PDXDC1: variants seen among roughly 807,000 people sequenced by gnomAD.
PDXDC1 encodes pyridoxal-dependent decarboxylase domain-containing protein 1.
Under a neutral mutation model 100.1 loss-of-function variants are expected in PDXDC1, and 42 were observed. That is an observed-to-expected ratio of 0.42 (90% confidence interval 0.33 to 0.54). The LOEUF is 0.54. PDXDC1 is among the 20% of genes least tolerant of loss of function. The pLI is 0.10. For synonymous variants in PDXDC1, 260 were observed against 371.7 expected (o/e 0.70, Z 3.46); for missense variants, 636 against 979.2 (o/e 0.65, Z 4.68).
chr16:15,020,975 A>AAACACACAC (rs370903249), intron 12 of PDXDC1, among the ~76,000 whole-genome samples: 166 of 145,488 alleles, frequency 1.1e-3, no homozygotes, highest in African/African-American at 3.9e-3. Flanking sequence ...GCACCATCTA[A>AAACACACAC]ACACACACAC....
At position 15,052,390 on chromosome 16, in the gene PDXDC1, T is replaced by G. The variant is rs555763260; in HGVS notation, c.1399+22334T>G. ...CAGGGTCCGGCCCATGAGCTGTGGC[T>G]TGTTGACCTGTGTCTTAGCCAATCA... On this transcript the variant is annotated intron_variant, in intron 16 of 16. Transcript: ENST00000535621. Among the ~76,000 whole-genome samples the G allele has an allele frequency of 3.9e-5, 6 of 152,302 alleles. No homozygotes were observed. In the South Asian group the frequency reaches 1.2e-3, roughly 32 times the overall value.
chr16:15,064,923 T>C (rs1232740339), intron 16 of PDXDC1, among the ~76,000 whole-genome samples: 4 of 152,078 alleles, frequency 2.6e-5, no homozygotes, highest in African/African-American at 4.8e-5. Context: ...TCCCAGCACT[T>C]TGGGAGGCCG....
intron 16 of PDXDC1, among the ~76,000 whole-genome samples, chr16:15,050,145 G>T (rs2044240145): frequency 6.6e-6 from 1 of 152,168 alleles, no homozygotes; most frequent in Non-Finnish European, 1.5e-5. Context: ...TCAATAATCT[G>T]AGTGTTTGTA....
At chr16:15,097,098 C>G (rs1265265120) in intron 16 of PDXDC1, among the ~76,000 whole-genome samples, 2 of 151,954 alleles carry the variant, frequency 1.3e-5, no homozygotes, top group Non-Finnish European at 2.9e-5. Flanking sequence ...TCCGTCTCTA[C>G]AAATAACACT....
At position 15,017,366 on chromosome 16, in the gene PDXDC1, C is replaced by G. The variant is rs1384618066; in HGVS notation, c.907C>G (p.Leu303Val). The change falls in exon 11 of 23, where the codon CTG becomes GTG. Residue 303 changes from leucine to valine, a missense_variant. This residue lies in a region of PDXDC1 where 125 missense variants were observed against 479.9 expected (regional missense o/e 0.26). Coordinates refer to ENST00000396410, the MANE Select transcript of PDXDC1 (RefSeq NM_015027.4). The part of the protein sequence containing the change: ...DSMTMTPGPW[L>V]GLPAVPAVTL... Reference sequence around the variant, plus strand: ...CATGACGATGACTCCTGGCCCGTGGCTGGGTTTGCCAGCTGTTCCTGCGGT... The same window carrying G: ...CATGACGATGACTCCTGGCCCGTGGGTGGGTTTGCCAGCTGTTCCTGCGGT... 6.2e-7 allele frequency: 1 copy of G among 1,614,188 alleles called. No individual in the cohort carries two copies. The highest frequency in any genetic ancestry group is 8.5e-7 in the Non-Finnish European group (1 of 1,179,992).
At chr16:15,124,476 A>C (rs1250167502) in intron 16 of PDXDC1, among the ~76,000 whole-genome samples, 1 of 152,032 alleles carries the variant, frequency 6.6e-6, no homozygotes, top group Non-Finnish European at 1.5e-5. Context: ...AAACAAGCAA[A>C]ACAAAAACAA....
chr16:15,124,859 C>G (rs914050076), intron 16 of PDXDC1, among the ~76,000 whole-genome samples: 8 of 147,536 alleles, frequency 5.4e-5, no homozygotes, highest in African/African-American at 2.0e-4. Context: ...TGTTCCAGCC[C>G]TAGATTTGGC....
chr16:15,082,130 G>A (rs542910147), intron 16 of PDXDC1, among the ~76,000 whole-genome samples: 5 of 152,192 alleles, frequency 3.3e-5, no homozygotes, highest in Non-Finnish European at 7.3e-5. Flanking sequence ...GGCTAGACAA[G>A]CAGCAAGAGC....
At chr16:15,077,921 T>C (rs1343231708) in intron 16 of PDXDC1, among the ~76,000 whole-genome samples, 2 of 152,088 alleles carry the variant, frequency 1.3e-5, no homozygotes, top group African/African-American at 2.4e-5. Context: ...ACTAATACAA[T>C]CTCTATGCAC....
At chr16:15,097,390 C>T (rs866306062) in intron 16 of PDXDC1, among the ~76,000 whole-genome samples, 18 of 146,318 alleles carry the variant, frequency 1.2e-4, no homozygotes, top group Middle Eastern at 3.6e-3. Flanking sequence ...TTTGGGAGGC[C>T]GAGGCAGGCG....
intron 16 of PDXDC1, among the ~76,000 whole-genome samples, chr16:15,098,283 C>T (rs1446978825): frequency 1.3e-5 from 2 of 151,062 alleles, no homozygotes; most frequent in African/African-American, 2.4e-5. Flanking sequence ...TCACTGCAAC[C>T]TCTGCCTCCC....
Position 15,033,303 on chromosome 16 carries a change from C to A in PDXDC1, c.1716C>A (p.Ser572Arg), listed in dbSNP as rs1468368521. The change falls in exon 19 of 23, where the codon AGC (serine) becomes AGA (arginine). Residue 572 changes from serine (S) to arginine (R), a missense_variant. This residue lies in a region of PDXDC1 where 452 missense variants were observed against 402.9 expected (regional missense o/e 1.12). Transcript: ENST00000396410. ...KIGPEYKSMKSCLYVGMASDN... is the reference protein window; with the variant it reads ...KIGPEYKSMKRCLYVGMASDN... ...GCCCTGAGTATAAGAGCATGAAGAG[C>A]TGCCTTTATGTCGGCATGGCGAGCG... 6.2e-7 allele frequency: 1 copy of A among 1,614,176 alleles called. No homozygotes were observed. The highest frequency in any genetic ancestry group is 8.5e-7 in the Non-Finnish European group (1 of 1,180,000).
intron 16 of PDXDC1, chr16:15,133,352 G>A: frequency 5.4e-6 from 6 of 1,110,718 alleles, no homozygotes; most frequent in Non-Finnish European, 6.7e-6. Context: ...CACACTAGCG[G>A]TGAGCCCGTG....
At chr16:15,095,605 A>G (rs1436420410) in intron 16 of PDXDC1, among the ~76,000 whole-genome samples, 3 of 152,182 alleles carry the variant, frequency 2.0e-5, no homozygotes, top group African/African-American at 4.8e-5. Context: ...TTATCCCAAC[A>G]CTTTGGGAGG....
At chr16:14,992,313 A>G (rs1971032900) in intron 1 of PDXDC1, among the ~76,000 whole-genome samples, 3 of 152,290 alleles carry the variant, frequency 2.0e-5, no homozygotes, top group Admixed American at 2.0e-4. Flanking sequence ...GTAATTGAAT[A>G]GGTGCTAGGA....
intron 16 of PDXDC1, chr16:15,137,427 A>G (rs2048383270): frequency 2.2e-6 from 3 of 1,390,864 alleles, no homozygotes; most frequent in African/African-American, 2.8e-5. Context: ...CCGGTGGAGA[A>G]GCAGAAGGCG....
intron 16 of PDXDC1, among the ~76,000 whole-genome samples, chr16:15,112,484 G>GT (rs2047108867): frequency 6.8e-6 from 1 of 146,704 alleles, no homozygotes; most frequent in Admixed American, 6.9e-5. Flanking sequence ...CTCCCAAAGT[G>GT]CTGGGATTAC....
intron 1 of PDXDC1, among the ~76,000 whole-genome samples, chr16:14,997,102 G>C: frequency 6.6e-6 from 1 of 152,190 alleles, no homozygotes; most frequent in Non-Finnish European, 1.5e-5. Context: ...GTGAAGAAGG[G>C]TAGGGTCCTT....
intron 16 of PDXDC1, among the ~76,000 whole-genome samples, chr16:15,099,343 C>T (rs1341782406): frequency 6.7e-6 from 1 of 149,360 alleles, no homozygotes; most frequent in Non-Finnish European, 1.5e-5. Context: ...TTGCTTGAAC[C>T]CAGGAGGCAG....
Sources: allele counts gnomAD v4.1 joint callset (sites outside exome capture counted in the v4.1 genomes callset), GRCh38; gene constraint gnomAD v4.1.1; regional missense constraint gnomAD v4.1.1; transcripts MANE v1.5; gene names NCBI Gene and HGNC (gene_info 2026-07-23, HGNC 2026-07-21).